Variants in XPO1 observed in about 807,000 individuals in gnomAD.
XPO1 encodes the protein exportin-1.
XPO1 carries 5 observed loss-of-function variants against 133.3 expected under a neutral mutation model. The observed-to-expected ratio is 0.04, with a 90% confidence interval of 0.02 to 0.08. The LOEUF (loss-of-function observed/expected upper bound fraction) is 0.08. Among genes scored for constraint, XPO1 ranks in the 10% least tolerant of loss-of-function variants. XPO1 has a pLI of 1.00. For synonymous variants in XPO1, 419 were observed against 408.2 expected, an observed-to-expected ratio of 1.03 and a Z score of -0.32; for missense variants, 506 against 1,267.5, an observed-to-expected ratio of 0.40 and a Z score of 9.12.
chr2:61,502,726 C>T (rs1212859929), intron 4 of XPO1: 1 of 156,008 alleles, frequency 6.4e-6, no homozygotes, highest in East Asian at 1.9e-4. Context: ...GCACTCCAGC[C>T]TGGGCAACAG....
intron 4 of XPO1, 140 bp from the exon 5 acceptor site, chr2:61,502,450 G>C (rs1697574637): frequency 1.2e-6 from 1 of 839,032 alleles, no homozygotes. Context: ...ACCAGTATTG[G>C]CATTTTAAAA....
intron 4 of XPO1, among the ~76,000 whole-genome samples, chr2:61,504,351 A>C (rs1005001974): frequency 3.3e-5 from 5 of 152,220 alleles, no homozygotes; most frequent in African/African-American, 1.2e-4. Flanking sequence ...CAGAATGTTA[A>C]ATTCTGAGAA....
chr2:61,519,315 A>G (rs1271599673), intron 4 of XPO1, among the ~76,000 whole-genome samples: 2 of 152,124 alleles, frequency 1.3e-5, no homozygotes, highest in Non-Finnish European at 2.9e-5. Flanking sequence ...AACGTATAAC[A>G]CAGCAAGAGA....
rs1198365950 is a variant in XPO1, at chr2:61,490,684, G to A, written c.1980C>T (p.Leu660=). The change falls in exon 17 of 25, where the codon CTC becomes CTT. Residue 660 remains leucine, a synonymous_variant. Transcript: ENST00000401558. ...QEHLIEKYML[L]PNQVWDSIIQ... ...TTATACTATCCCACACTTGATTAGGGAGTAACATGTACTTTTCTATCAAGT... is the reference window on the plus strand; with the variant it reads ...TTATACTATCCCACACTTGATTAGGAAGTAACATGTACTTTTCTATCAAGT... 3.1e-6 allele frequency: 5 copies of A among 1,614,030 alleles called. No homozygotes were observed. In the East Asian group the frequency reaches 8.9e-5, roughly 29 times the overall value.
rs1696804293 is a variant in XPO1 at position 61,488,508 on chromosome 2, A to C, written c.2206+80T>G. 3 of 1,437,228 alleles carry C rather than the reference A, an allele frequency of 2.1e-6. No homozygotes were observed. The East Asian group carries it at 6.8e-5, about 33-fold the overall frequency. The allele number at this position is 1,437,228 out of a possible 1,614,324, so 89.0% of individuals were successfully genotyped here. A position where few individuals can be genotyped will look rare whatever the true frequency, so the allele number is the denominator to read the frequency against. ...GAGGTCTGATTTAAATCTGTAAAAA[A>C]CATCAAATGTTTGACTTAAGGCAGT... On this transcript the variant is annotated intron_variant, in intron 18 of 24. Coordinates refer to ENST00000401558, the MANE Select transcript of XPO1 (RefSeq NM_003400.4).
chr2:61,527,313 T>C (rs1165407543), intron 2 of XPO1, among the ~76,000 whole-genome samples: 1 of 124,996 alleles, frequency 8.0e-6, no homozygotes, highest in East Asian at 2.4e-4. Flanking sequence ...AACGAGGCCA[T>C]GACTCTCCAA....
At position 61,537,653 on chromosome 2, in the gene XPO1, G is replaced by A. The variant is rs1352688000; in HGVS notation, c.-98C>T. 2 of 151,758 alleles carry A rather than the reference G, an allele frequency of 1.3e-5. No individual in the cohort carries two copies. The highest frequency in any genetic ancestry group is 6.6e-5 in the Admixed American group (1 of 15,210). The allele number at this position is 151,758 out of a possible 1,614,324, so 9.4% of individuals were successfully genotyped here. On this transcript the variant is annotated 5_prime_UTR_variant, in exon 1 of 25. Coordinates refer to ENST00000401558, the MANE Select transcript of XPO1 (RefSeq NM_003400.4). The stretch of plus-strand genomic sequence containing the variant: ...GGGGAGAGGGGACGAATCAAGGTGG[G>A]TTTCAGTTTTCCCACCTCAAAAAAG...
In XPO1 at chr2:61,492,523, A is replaced by C. The variant is rs1451223624; in HGVS notation, c.1567-42T>G. On this transcript the variant is annotated intron_variant, in intron 14 of 24. Coordinates refer to ENST00000401558, the MANE Select transcript of XPO1 (RefSeq NM_003400.4). The surrounding 1 kb of genome is among the most constrained non-coding windows in gnomAD (Gnocchi z 5.6). ...TTTGTATTATTTATTGTAACAACAT[A>C]ATACTTATTTAGCAATTCTAATTCA... 1 of 1,594,382 alleles carries C rather than the reference A, an allele frequency of 6.3e-7. No individual in the cohort carries two copies. The highest frequency in any genetic ancestry group is 1.8e-5 in the Admixed American group (1 of 55,204).
At chr2:61,486,221 C>T (rs142188598) in intron 19 of XPO1, among the ~76,000 whole-genome samples, 1 of 151,954 alleles carries the variant, frequency 6.6e-6, no homozygotes, top group Non-Finnish European at 1.5e-5. Context: ...GTCACTCAGA[C>T]CAGAGTGCAG....
At chr2:61,511,428 A>G (rs1221195492) in intron 4 of XPO1, among the ~76,000 whole-genome samples, 3 of 151,578 alleles carry the variant, frequency 2.0e-5, no homozygotes, top group East Asian at 3.9e-4. Context: ...TGCCCAGCCT[A>G]TCTTTTCAGA....
chr2:61,528,891 G>C (rs1227002799), intron 2 of XPO1, among the ~76,000 whole-genome samples: 1 of 151,432 alleles, frequency 6.6e-6, no homozygotes, highest in African/African-American at 2.4e-5. Flanking sequence ...ATCTTTAAAG[G>C]TTGTTTTATA....
At chr2:61,500,575 T>A (rs1220487737) in intron 6 of XPO1, among the ~76,000 whole-genome samples, 2 of 16,810 alleles carry the variant, frequency 1.2e-4, no homozygotes, top group Non-Finnish European at 1.0e-4. Context: ...TGAGACTCCA[T>A]CTCAAAAAAA....
intron 4 of XPO1, among the ~76,000 whole-genome samples, chr2:61,507,674 TC>T (rs1697895521): frequency 1.3e-5 from 2 of 152,054 alleles, no homozygotes; most frequent in Admixed American, 1.3e-4. Context: ...GGCCAGGAGT[TC>T]GAGACCAGCC....
intron 4 of XPO1, 71 bp from the exon 5 acceptor site, chr2:61,502,381 C>A (rs2104532825): frequency 7.3e-7 from 1 of 1,377,852 alleles, no homozygotes; most frequent in Non-Finnish European, 1.0e-6. Context: ...ATTTTGAGAA[C>A]TAATTAATGT....
chr2:61,525,393 T>C (rs897535577), intron 3 of XPO1: 27 of 993,404 alleles, frequency 2.7e-5, no homozygotes, highest in Non-Finnish European at 3.1e-5. Context: ...TGTTAACATC[T>C]TTAAAGAAAA....
rs189973999 is a variant in XPO1 at position 61,535,313 on chromosome 2, G to T, written c.-6-1410C>A. Among the ~76,000 whole-genome samples the T allele has an allele frequency of 9.2e-5, 14 of 152,190 alleles. No homozygotes were observed. In the East Asian group the frequency reaches 2.7e-3, roughly 29 times the overall value. Reference sequence around the variant, plus strand: ...TCTAACCCAGTTTTTAAAAACTCACGATTTTGTATACAATTATAGAGGATT... The same window carrying T: ...TCTAACCCAGTTTTTAAAAACTCACTATTTTGTATACAATTATAGAGGATT... On this transcript the variant is annotated intron_variant, in intron 1 of 24. Coordinates refer to ENST00000401558, the MANE Select transcript of XPO1 (RefSeq NM_003400.4).
At chr2:61,526,355 A>G (rs1442900549) in intron 3 of XPO1, 65 bp downstream of exon 3, 4 of 1,542,940 alleles carry the variant, frequency 2.6e-6, no homozygotes, top group Admixed American at 2.2e-5. Flanking sequence ...AAAATGAGAT[A>G]CCTTCCTCAA....
rs968509271 is a variant in XPO1 at position 61,478,376 on chromosome 2, T to C, written c.*444A>G. 7 of 251,714 alleles carry C rather than the reference T, an allele frequency of 2.8e-5. No individual in the cohort carries two copies. Among genetic ancestry groups the C allele is most frequent in the Admixed American group, 2.6e-4 (5 of 18,950 alleles). The allele number at this position is 251,714 out of a possible 1,614,324, so 15.6% of individuals were successfully genotyped here. On this transcript the variant is annotated 3_prime_UTR_variant, in exon 25 of 25. Transcript: ENST00000401558. ...GCTAACTTCAGACAATGCAGCACTA[T>C]AATCCTTTAAACAACGCAATTTGTT... is the stretch of plus-strand genomic sequence containing the variant.
intron 2 of XPO1, among the ~76,000 whole-genome samples, chr2:61,529,707 C>A (rs1002666621): frequency 4.0e-5 from 6 of 151,880 alleles, no homozygotes; most frequent in South Asian, 2.1e-4. Context: ...CTTATCCTGG[C>A]TTTGATGCTT....
Sources: allele counts gnomAD v4.1 joint callset (sites outside exome capture counted in the v4.1 genomes callset), GRCh38; gene constraint gnomAD v4.1.1; non-coding constraint Gnocchi (gnomAD v3.1); transcripts MANE v1.5; gene names NCBI Gene and HGNC (gene_info 2026-07-23, HGNC 2026-07-21).